Variants in SETD1B observed in about 807,000 individuals in gnomAD.
SETD1B encodes SET domain containing 1B, histone lysine methyltransferase, also known as histone-lysine N-methyltransferase SETD1B.
Under a neutral mutation model 148.0 loss-of-function variants are expected in SETD1B, and 7 were observed. The observed-to-expected ratio is 0.05, with a 90% CI of 0.03 to 0.09. SETD1B has a LOEUF of 0.09. Among genes scored for constraint, SETD1B ranks in the 10% least tolerant of loss-of-function variants. SETD1B has a pLI of 1.00. For missense variants in SETD1B, 2,155 were observed against 2,729.9 expected, an observed-to-expected ratio of 0.79 and a Z score of 4.69; for synonymous variants, 1,361 against 1,186.5, an observed-to-expected ratio of 1.15 and a Z score of -3.02.
Position 121,827,510 on chromosome 12 carries a change from C to A in SETD1B, c.5338-9C>A, listed in dbSNP as rs1192347152. ...AGCTCCGCTGAGCCCCGCACACCGT[C>A]CACTGCAGGGCATGAGCATCCCAGC... On this transcript the variant is annotated splice_polypyrimidine_tract_variant and intron_variant, in intron 13 of 16. Coordinates refer to ENST00000604567, the MANE Select transcript of SETD1B (RefSeq NM_001353345.2). 6.5e-7 allele frequency: 1 copy of A among 1,531,770 alleles called. No homozygotes were observed. Among genetic ancestry groups the A allele is most frequent in the Non-Finnish European group, 8.8e-7 (1 of 1,139,320 alleles). 94.9% of individuals were successfully genotyped at this position (1,531,770 alleles called of 1,614,324 possible).
intron 11 of SETD1B, 114 bp downstream of exon 11, chr12:121,820,009 C>T (rs1358907710): frequency 1.8e-5 from 16 of 893,234 alleles, no homozygotes; most frequent in Non-Finnish European, 2.7e-5. Context: ...CCTCAGTTTC[C>T]CGTGTAAAAC....
rs990212406 is a variant in SETD1B, at chr12:121,805,373, C to G, written c.273+157C>G. 2.0e-5 allele frequency among the ~76,000 whole-genome samples: 3 copies of G among 152,048 alleles called. No homozygotes were observed. Among genetic ancestry groups the G allele is most frequent in the African/African-American group, 7.2e-5 (3 of 41,398 alleles). On this transcript the variant is annotated intron_variant, in intron 3 of 16. Transcript: ENST00000604567. This position sits in a 1 kb window ranked among gnomAD's most constrained non-coding sequence, Gnocchi z 4.2. Reference sequence around the variant, plus strand: ...GGGTAGAGCGCTGGCGAGAGGGTGTCCCCTCTCAGCTACTGAAAACAAAAT... The same window carrying G: ...GGGTAGAGCGCTGGCGAGAGGGTGTGCCCTCTCAGCTACTGAAAACAAAAT...
In SETD1B at chr12:121,817,132, G is replaced by C; in HGVS notation, c.2815G>C (p.Gly939Arg). The C allele has an allele frequency of 6.5e-7, 1 of 1,548,938 alleles. No homozygotes were observed. Among genetic ancestry groups the C allele is most frequent in the Non-Finnish European group, 8.7e-7 (1 of 1,146,914 alleles). The change falls in exon 8 of 17, where the codon GGC becomes CGC. Residue 939 changes from glycine (G) to arginine (R), a missense_variant. Around this residue, in one of 11 missense-constraint regions of SETD1B, gnomAD observed 289 missense variants for 423.7 expected, o/e 0.68. Transcript: ENST00000604567. The surrounding 1 kb of genome is among the most constrained non-coding windows in gnomAD (Gnocchi z 8.1). ...ASCLLESWGK[G>R]EGLGYEGLGL... is the part of the protein sequence containing the mutation. ...GTGCCTGCTGGAGTCATGGGGCAAG[G>C]GCGAGGGCCTGGGCTACGAGGGCCT...
intron 11 of SETD1B, among the ~76,000 whole-genome samples, chr12:121,820,141 G>T (rs11043203): frequency 6.6e-6 from 1 of 152,102 alleles, no homozygotes; most frequent in Non-Finnish European, 1.5e-5. Context: ...CACTGCCAGC[G>T]TTTCCCTGGT....
In SETD1B at chr12:121,830,383, C is replaced by A; in HGVS notation, c.*144C>A. On this transcript the variant is annotated 3_prime_UTR_variant, in exon 17 of 17. Coordinates refer to ENST00000604567, the MANE Select transcript of SETD1B (RefSeq NM_001353345.2). The surrounding 1 kb of genome is among the most constrained non-coding windows in gnomAD (Gnocchi z 5.7). ...CAGCGGCCATTCAGGGCCTGGCGCC[C>A]CACACTACCCCCTGGAGCCCCTGGC... 1.4e-6 allele frequency: 1 copy of A among 720,314 alleles called. No homozygotes were observed. The allele number at this position is 720,314 out of a possible 1,614,324, so 44.6% of individuals were successfully genotyped here. A position where few individuals can be genotyped will look rare whatever the true frequency, so the allele number is the denominator to read the frequency against.
In SETD1B at chr12:121,805,345, GA is replaced by G; in HGVS notation, c.273+130del. On this transcript the variant is annotated intron_variant, in intron 3 of 16. Transcript: ENST00000604567. The surrounding 1 kb of genome is among the most constrained non-coding windows in gnomAD (Gnocchi z 4.2). Reference sequence around the variant, plus strand: ...CCGGGGCCAGGGAAGTTTTGGCGGGGAGGGGTAGAGCGCTGGCGAGAGGGTG... The same window carrying G: ...CCGGGGCCAGGGAAGTTTTGGCGGGGGGGGTAGAGCGCTGGCGAGAGGGTG... 1 of 753,418 alleles carries G rather than the reference GA, an allele frequency of 1.3e-6. No individual in the cohort carries two copies. The highest frequency in any genetic ancestry group is 2.2e-6 in the Non-Finnish European group (1 of 448,144). The allele number at this position is 753,418 out of a possible 1,614,324, so 46.7% of individuals were successfully genotyped here.
At chr12:121,796,991 C>T in the SETD1B span, among the ~76,000 whole-genome samples, 7 of 150,262 alleles carry the variant, frequency 4.7e-5, no homozygotes, top group Non-Finnish European at 4.4e-5. Flanking sequence ...GAGCCCAGAT[C>T]ACACCATTGC....
At position 121,817,512 on chromosome 12, in the gene SETD1B, A is replaced by G. The variant is rs2137567055; in HGVS notation, c.3120A>G (p.Ser1040=). The G allele has an allele frequency of 6.4e-7, 1 of 1,551,350 alleles. No homozygotes were observed. Among genetic ancestry groups the G allele is most frequent in the South Asian group, 1.2e-5 (1 of 84,066 alleles). Residue 1040 remains serine (S), a synonymous_variant, in exon 9 of 17, where the codon TCA becomes TCG. Transcript: ENST00000604567. The surrounding 1 kb of genome is among the most constrained non-coding windows in gnomAD (Gnocchi z 8.1). The part of the protein sequence containing the change: ...DSGGEEDEKE[S]LSASSSSSAS... ...GTGGGGAGGAGGACGAGAAGGAGTC[A>G]TTGTCGGCGTCCTCGTCCTCATCCG...
In SETD1B at chr12:121,817,890, G is replaced by A; in HGVS notation, c.3404G>A (p.Gly1135Glu). 1 of 1,548,414 alleles carries A rather than the reference G, an allele frequency of 6.5e-7. No individual in the cohort carries two copies. Among genetic ancestry groups the A allele is most frequent in the Non-Finnish European group, 8.7e-7 (1 of 1,145,412 alleles). ...TCAGAGGCGAGTGAGAAGGACGAAGGGGACTCGGATGAAGGTGAGCAGGGA... is the reference window on the plus strand; with the variant it reads ...TCAGAGGCGAGTGAGAAGGACGAAGAGGACTCGGATGAAGGTGAGCAGGGA... ...ALSEASEKDE[G>E]DSDEEETVSI... Residue 1135 changes from glycine (G) to glutamate (E), a missense_variant, in exon 10 of 17, where the codon GGG becomes GAG. By Grantham distance (98) the Gly-to-Glu change is moderately conservative (BLOSUM62 -2). Coordinates refer to ENST00000604567, the MANE Select transcript of SETD1B (RefSeq NM_001353345.2). This position sits in a 1 kb window ranked among gnomAD's most constrained non-coding sequence, Gnocchi z 8.1.
At chr12:121,803,874 C>T (rs1343396765), upstream of SETD1B, 2 of 153,290 alleles carry the variant, frequency 1.3e-5, no homozygotes, top group Non-Finnish European at 2.9e-5. The surrounding 1 kb of genome is among the most constrained non-coding windows in gnomAD (Gnocchi z 4.7). Flanking sequence ...CCGCTGGGGC[C>T]CGGGGCTTTG....
chr12:121,808,446 C>T lies in SETD1B; in HGVS notation c.657+126C>T, dbSNP rs998675876. 9.4e-6 allele frequency: 6 copies of T among 640,714 alleles called. No homozygotes were observed. The highest frequency in any genetic ancestry group is 3.6e-5 in the South Asian group (2 of 54,828). The allele number at this position is 640,714 out of a possible 1,614,324, so 39.7% of individuals were successfully genotyped here. A position where few individuals can be genotyped will look rare whatever the true frequency, so the allele number is the denominator to read the frequency against. The stretch of plus-strand genomic sequence containing the variant: ...CCCACCTCACTCCAGCTTTGGAGAC[C>T]AAGGCCTAGGAGGGTGTGAAGCCTG... On this transcript the variant is annotated intron_variant, in intron 5 of 16. Transcript: ENST00000604567. This position sits in a 1 kb window ranked among gnomAD's most constrained non-coding sequence, Gnocchi z 5.3.
At chr12:121,816,920 G>A in intron 7 of SETD1B, 113 bp from the exon 8 acceptor site, 1 of 939,480 alleles carries the variant, frequency 1.1e-6, no homozygotes, top group South Asian at 1.7e-5. Flanking sequence ...TGAGGATGCA[G>A]TTACCTGTGG....
In SETD1B at chr12:121,827,929, C is replaced by T; in HGVS notation, c.5590-4C>T. On this transcript the variant is annotated splice_region_variant and splice_polypyrimidine_tract_variant and intron_variant, in intron 15 of 16. Transcript: ENST00000604567. ...CAGCCAGACTGACCCCCTTTTGTGGCCAGGTGATCGCAGACATGCGGGAGA... is the reference window on the plus strand; with the variant it reads ...CAGCCAGACTGACCCCCTTTTGTGGTCAGGTGATCGCAGACATGCGGGAGA... 6.4e-7 allele frequency: 1 copy of T among 1,552,104 alleles called. No individual in the cohort carries two copies. The highest frequency in any genetic ancestry group is 8.7e-7 in the Non-Finnish European group (1 of 1,147,130).
chr12:121,797,245 A>G, the SETD1B span: 1 of 361,474 alleles, frequency 2.8e-6, no homozygotes, highest in Non-Finnish European at 5.4e-6. Flanking sequence ...GAGAGGCCGG[A>G]AGAGGCGGGG....
chr12:121,815,823 CTT>C (rs994063316), intron 7 of SETD1B, among the ~76,000 whole-genome samples: 4 of 118,172 alleles, frequency 3.4e-5, no homozygotes, highest in Middle Eastern at 4.9e-3. Context: ...TCTTTTCTTT[CTT>C]TTTTTTTTTT....
At chr12:121,813,267 A>G (rs960636529) in intron 6 of SETD1B, among the ~76,000 whole-genome samples, 3 of 152,280 alleles carry the variant, frequency 2.0e-5, no homozygotes, top group Non-Finnish European at 4.4e-5. Context: ...ACGCGGGCCC[A>G]CACTGATTGT....
At chr12:121,827,903 C>T (rs1342903402) in intron 15 of SETD1B, 30 bp from the exon 16 acceptor site, 6 of 1,552,308 alleles carry the variant, frequency 3.9e-6, no homozygotes, top group East Asian at 2.4e-5. Context: ...TGGGGCCGGC[C>T]CAGCCAGACT....
intron 11 of SETD1B, among the ~76,000 whole-genome samples, chr12:121,822,019 C>T (rs921550522): frequency 2.0e-5 from 3 of 152,148 alleles, no homozygotes; most frequent in Non-Finnish European, 4.4e-5. Flanking sequence ...GCGGTCTAGG[C>T]TGCAGTGACC....
At chr12:121,828,156 C>T (rs1016087998) in intron 16 of SETD1B, 86 bp downstream of exon 16, 21 of 1,497,626 alleles carry the variant, frequency 1.4e-5, no homozygotes, top group South Asian at 2.5e-5. Context: ...AGCCCCGGCA[C>T]GGGAATCAGC....
Sources: gnomAD v4.1 joint callset for allele counts (sites outside exome capture counted in the v4.1 genomes callset) on GRCh38, gnomAD v4.1.1 for gene constraint, gnomAD v4.1.1 regional missense constraint, Gnocchi (gnomAD v3.1) non-coding constraint, MANE v1.5 for transcripts, NCBI Gene and HGNC (gene_info 2026-07-23, HGNC 2026-07-21) for gene names.